ABCC1: variants seen among roughly 807,000 people sequenced by gnomAD.
ABCC1 encodes multidrug resistance-associated protein 1.
Under a neutral mutation model 172.9 loss-of-function variants are expected in ABCC1, and 83 were observed. That is an observed-to-expected ratio of 0.48 (90% CI 0.40 to 0.58). The LOEUF (loss-of-function observed/expected upper bound fraction) is 0.58. Ranked by LOEUF, ABCC1 falls within the 20% of genes least tolerant of loss-of-function variation. The probability of loss-of-function intolerance (pLI) is 0.00; values close to 1 mark genes in which losing one functional copy is unlikely to be tolerated. For missense variants in ABCC1, 1,817 were observed against 2,002.7 expected (o/e 0.91, Z 1.77); for synonymous variants, 937 against 825.2 (o/e 1.14, Z -2.32).
intron 5 of ABCC1, among the ~76,000 whole-genome samples, chr16:16,027,718 T>G (rs927122208): frequency 2.6e-5 from 4 of 151,946 alleles, no homozygotes; most frequent in Non-Finnish European, 5.9e-5. Flanking sequence ...GGGGCTGAGG[T>G]GGGAGGATCA....
intron 14 of ABCC1, 82 bp downstream of exon 14, chr16:16,071,811 C>G: frequency 7.8e-7 from 1 of 1,276,184 alleles, no homozygotes; most frequent in Non-Finnish European, 1.1e-6. Context: ...CATTTCTTTC[C>G]CTTGGCTGCC....
Position 16,079,370 on chromosome 16 carries a change from C to A in ABCC1, c.2007C>A (p.Pro669=), listed in dbSNP as rs2301666. ...PTLNGITFSI[P]EGALVAVVGQ... is the part of the protein sequence containing the mutation. ...GTTTCAGCATCACCTTCTCCATCCC[C>A]GAAGGTGCTTTGGTGGCCGTGGTGG... The change falls in exon 16 of 31, where the codon CCC becomes CCA. Residue 669 remains proline, a synonymous_variant. Transcript: ENST00000399410. The A allele has an allele frequency of 3.7e-6, 6 of 1,613,996 alleles. No homozygotes were observed. The highest frequency in any genetic ancestry group is 5.1e-6 in the Non-Finnish European group (6 of 1,179,916).
At chr16:16,026,981 G>A (rs2048398578) in intron 5 of ABCC1, among the ~76,000 whole-genome samples, 1 of 152,110 alleles carries the variant, frequency 6.6e-6, no homozygotes, top group South Asian at 2.1e-4. Flanking sequence ...CATTTGCAGG[G>A]CAGGTTTTCT....
At position 16,009,910 on chromosome 16, in the gene ABCC1, G is replaced by T. The variant is rs201305865; in HGVS notation, c.351+9G>T. 6.3e-7 allele frequency: 1 copy of T among 1,591,432 alleles called. No individual in the cohort carries two copies. The highest frequency in any genetic ancestry group is 8.6e-7 in the Non-Finnish European group (1 of 1,169,272). Reference sequence around the variant, plus strand: ...TCTTGGGCATCACCATGGTAAGTAGGAGCTGGCTGTGACCCCTGGGCCATC... The same window carrying T: ...TCTTGGGCATCACCATGGTAAGTAGTAGCTGGCTGTGACCCCTGGGCCATC... On this transcript the variant is annotated intron_variant, in intron 3 of 30. Coordinates refer to ENST00000399410, the MANE Select transcript of ABCC1 (RefSeq NM_004996.4).
In ABCC1 at chr16:16,141,401, C is replaced by T; in HGVS notation, c.*120C>T. 1.2e-6 allele frequency: 1 copy of T among 864,858 alleles called. No homozygotes were observed. Among genetic ancestry groups the T allele is most frequent in the South Asian group, 1.6e-5 (1 of 62,976 alleles). The allele number at this position is 864,858 out of a possible 1,614,324, so 53.6% of individuals were successfully genotyped here. ...TGAAACCAAAACATAAAAACCAAAC[C>T]CAGACAACCAAAACATATTCAAAGC... On this transcript the variant is annotated 3_prime_UTR_variant, in exon 31 of 31. Transcript: ENST00000399410.
At position 16,044,626 on chromosome 16, in the gene ABCC1, T is replaced by C; in HGVS notation, c.986T>C (p.Phe329Ser). Reference protein sequence around the residue: ...KTFGPYFLMSFFFKAIHDLMM... With the variant: ...KTFGPYFLMSSFFKAIHDLMM... ...TTTGGGCCCTACTTCCTCATGAGCT[T>C]CTTCTTCAAGGCCATCCACGACCTG... The change falls in exon 8 of 31, where the codon TTC (phenylalanine) becomes TCC (serine). Residue 329 changes from phenylalanine (F) to serine (S), a missense_variant. This residue lies in a region of ABCC1 where 1,412 missense variants were observed against 1,600.3 expected (regional missense o/e 0.88). Transcript: ENST00000399410. 6.2e-7 allele frequency: 1 copy of C among 1,614,182 alleles called. No individual in the cohort carries two copies. Among genetic ancestry groups the C allele is most frequent in the African/African-American group, 1.3e-5 (1 of 75,052 alleles).
chr16:16,077,028 A>G lies in ABCC1; in HGVS notation c.1988+627A>G, dbSNP rs2376956. ...GCTCACCCTTTCTTGCCAGCTTTCTATCTGGCACCCCACACCCTACAGTCC... is the reference window on the plus strand; with the variant it reads ...GCTCACCCTTTCTTGCCAGCTTTCTGTCTGGCACCCCACACCCTACAGTCC... On this transcript the variant is annotated intron_variant, in intron 15 of 30. Transcript: ENST00000399410. Among the ~76,000 whole-genome samples the G allele has an allele frequency of 9.7e-3, 1,483 of 152,190 alleles. 16 individuals carry two copies. The highest frequency in any genetic ancestry group is 0.023 in the Admixed American group (355 of 15,286).
At chr16:16,065,166 A>G (rs35598) in intron 12 of ABCC1, among the ~76,000 whole-genome samples, 20,378 of 152,232 alleles carry the variant, frequency 0.13, 1,471 homozygotes, top group African/African-American at 0.17. Flanking sequence ...AATGAGGTAC[A>G]GGGAAGGGAC....
At chr16:15,958,949 C>G (rs1415261417) in intron 1 of ABCC1, among the ~76,000 whole-genome samples, 1 of 152,184 alleles carries the variant, frequency 6.6e-6, no homozygotes, top group African/African-American at 2.4e-5. Context: ...CTAGTAGATG[C>G]TGGTAGCACC....
intron 20 of ABCC1, chr16:16,105,470 G>C (rs1375842526): frequency 2.0e-5 from 3 of 152,200 alleles, no homozygotes; most frequent in African/African-American, 4.8e-5. Flanking sequence ...GGTAAGGAAA[G>C]TTTACCCAAT....
chr16:16,059,818 A>AC (rs536664796), intron 12 of ABCC1, among the ~76,000 whole-genome samples: 1 of 94,968 alleles, frequency 1.1e-5, no homozygotes, highest in Non-Finnish European at 2.3e-5. Flanking sequence ...CTGCCCCCCC[A>AC]CCCCCTCCCA....
intron 24 of ABCC1, among the ~76,000 whole-genome samples, chr16:16,124,335 G>GTGTGTGTGTATGTGTGTGTGTA (rs1555502588): frequency 1.1e-5 from 1 of 87,930 alleles, no homozygotes; most frequent in Admixed American, 1.2e-4. Context: ...GTGTGTGTGT[G>GTGTGTGTGTATGTGTGTGTGTA]TGTGTGTGTG....
intron 5 of ABCC1, among the ~76,000 whole-genome samples, chr16:16,023,539 C>T (rs369380388): frequency 6.6e-6 from 1 of 152,308 alleles, no homozygotes; most frequent in East Asian, 1.9e-4. Context: ...CTTTCCATTT[C>T]TCCGTCATGC....
At chr16:15,956,722 A>G (rs2046006270) in intron 1 of ABCC1, among the ~76,000 whole-genome samples, 1 of 152,178 alleles carries the variant, frequency 6.6e-6, no homozygotes, top group South Asian at 2.1e-4. Flanking sequence ...TTAATTCATA[A>G]GAGAGATTTT....
chr16:16,108,271 GTC>G (rs1203792146), intron 21 of ABCC1, among the ~76,000 whole-genome samples: 2 of 102,924 alleles, frequency 1.9e-5, no homozygotes, highest in Non-Finnish European at 1.9e-5. Context: ...GTTTCTTTGT[GTC>G]TTTTTTTTTT....
chr16:16,118,442 T>TTTTTC (rs1166249459), intron 23 of ABCC1, among the ~76,000 whole-genome samples: 1 of 135,394 alleles, frequency 7.4e-6, no homozygotes, highest in East Asian at 2.0e-4. Context: ...TTTTTTTTTT[T>TTTTTC]TTCCCCTGCA....
intron 22 of ABCC1, among the ~76,000 whole-genome samples, chr16:16,111,805 C>T (rs2052400502): frequency 6.6e-6 from 1 of 152,100 alleles, no homozygotes; most frequent in Non-Finnish European, 1.5e-5. Context: ...AGGAGTGCTC[C>T]AGTGTGCCCA....
chr16:16,045,390 T>C (rs1212066069), intron 8 of ABCC1, among the ~76,000 whole-genome samples: 5 of 117,494 alleles, frequency 4.3e-5, no homozygotes, highest in African/African-American at 1.9e-4. Flanking sequence ...AGCAAGACTT[T>C]GTCTCAAAAA....
intron 18 of ABCC1, among the ~76,000 whole-genome samples, chr16:16,088,203 T>G (rs1229325713): frequency 6.6e-6 from 1 of 151,906 alleles, no homozygotes; most frequent in Non-Finnish European, 1.5e-5. Flanking sequence ...CCAACACTTT[T>G]GGAGGCCTAG....
Sources: allele counts gnomAD v4.1 joint callset (sites outside exome capture counted in the v4.1 genomes callset), GRCh38; gene constraint gnomAD v4.1.1; regional missense constraint gnomAD v4.1.1; transcripts MANE v1.5; gene names NCBI Gene and HGNC (gene_info 2026-07-23, HGNC 2026-07-21).